The following KLHL15 variants were observed in gnomAD, a reference collection of about 807,000 sequenced individuals.
KLHL15 encodes the protein kelch like family member 15, also known as kelch-like protein 15.
A neutral mutation model predicts 29.3 loss-of-function variants in KLHL15; 1 was observed. The ratio of observed to expected loss-of-function variants is 0.03; its 90% CI spans 0.01 to 0.16. The LOEUF (loss-of-function observed/expected upper bound fraction) is 0.16. Among genes scored for constraint, KLHL15 ranks in the 10% least tolerant of loss-of-function variants. KLHL15 has a pLI of 1.00. For missense variants in KLHL15, 215 were observed against 478.5 expected (o/e 0.45, Z 5.14); for synonymous variants, 212 against 184.5 (o/e 1.15, Z -1.21).
rs1168427298 is a variant in KLHL15 at position 23,985,046 on chromosome X, T to C, written c.*2875A>G. The C allele has an allele frequency of 8.9e-6, 1 of 112,400 alleles. No homozygotes were observed. Among genetic ancestry groups the C allele is most frequent in the Non-Finnish European group, 1.9e-5 (1 of 53,246 alleles). The allele number at this position is 112,400 out of a possible 1,213,427, so 9.3% of individuals were successfully genotyped here. On this transcript the variant is annotated 3_prime_UTR_variant, in exon 4 of 4. Coordinates refer to ENST00000328046, the MANE Select transcript of KLHL15 (RefSeq NM_030624.3). ...AAACCTTCAAAGTGAGAATCTTGCA[T>C]TTTAAGAAAAGGCTGTAGTGCAAGG...
chrX:24,013,854 GTAA>G (rs1453534378), intron 2 of KLHL15, among the ~76,000 whole-genome samples: 12 of 110,130 alleles, frequency 1.1e-4, no homozygotes, highest in Middle Eastern at 4.3e-3. Context: ...AAAAAAAGTA[GTAA>G]TAATAGAAAA....
Position 23,994,396 on chromosome X carries a change from T to C in KLHL15, c.706-5366A>G, listed in dbSNP as rs73486005. Among the ~76,000 whole-genome samples, 439 of 112,490 alleles carry C rather than the reference T, an allele frequency of 3.9e-3. 2 individuals carry two copies. Among genetic ancestry groups the C allele is most frequent in the African/African-American group, 0.013 (409 of 31,005 alleles). On this transcript the variant is annotated intron_variant, in intron 3 of 3. Transcript: ENST00000328046. ...GTAAGAGCACAAAACCTGGGATAACTCCAATCACCTATCAATAAGACATTG... is the reference window on the plus strand; with the variant it reads ...GTAAGAGCACAAAACCTGGGATAACCCCAATCACCTATCAATAAGACATTG...
chrX:23,994,046 CAAAA>C (rs35880434), intron 3 of KLHL15, among the ~76,000 whole-genome samples: 1 of 57,803 alleles, frequency 1.7e-5, no homozygotes, highest in Admixed American at 2.2e-4. Context: ...GACCTTGTCT[CAAAA>C]AAAAAAAAAA....
intron 3 of KLHL15, among the ~76,000 whole-genome samples, chrX:23,996,874 C>A (rs1602001013): frequency 1.8e-5 from 2 of 112,112 alleles, no homozygotes; most frequent in South Asian, 7.3e-4. Flanking sequence ...GTGCAATATG[C>A]CTTTAATCAA....
chrX:23,987,802 A>T lies in KLHL15; in HGVS notation c.*119T>A, dbSNP rs1929012207. 3 of 677,211 alleles carry T rather than the reference A, an allele frequency of 4.4e-6. No individual in the cohort carries two copies. The highest frequency in any genetic ancestry group is 4.4e-6 in the Non-Finnish European group (2 of 459,072). The allele number at this position is 677,211 out of a possible 1,213,427, so 55.8% of individuals were successfully genotyped here. A position where few individuals can be genotyped will look rare whatever the true frequency, so the allele number is the denominator to read the frequency against. On this transcript the variant is annotated 3_prime_UTR_variant, in exon 4 of 4. Coordinates refer to ENST00000328046, the MANE Select transcript of KLHL15 (RefSeq NM_030624.3). Reference sequence around the variant, plus strand: ...CTAGCACAGAATGAAAAATTCTTACAATGTTAGACCAATGGCTTTGATAGT... The same window carrying T: ...CTAGCACAGAATGAAAAATTCTTACTATGTTAGACCAATGGCTTTGATAGT...
intron 1 of KLHL15, among the ~76,000 whole-genome samples, chrX:24,025,285 C>A (rs1274019296): frequency 9.2e-6 from 1 of 108,879 alleles, no homozygotes; most frequent in Non-Finnish European, 1.9e-5. Flanking sequence ...CGTCTCTGGG[C>A]TTCTGCCCCG....
At chrX:23,989,444 G>C (rs1349467138) in intron 3 of KLHL15, among the ~76,000 whole-genome samples, 1 of 111,325 alleles carries the variant, frequency 9.0e-6, no homozygotes, top group South Asian at 3.8e-4. Context: ...CAAAGTGCTG[G>C]GATTACAGGC....
At chrX:24,020,523 A>C (rs1929782081) in intron 2 of KLHL15, among the ~76,000 whole-genome samples, 1 of 111,769 alleles carries the variant, frequency 8.9e-6, no homozygotes, top group African/African-American at 3.3e-5. Flanking sequence ...CAGCCTCCAG[A>C]CTGGCACCAA....
chrX:24,012,274 A>G (rs950432883), intron 2 of KLHL15, among the ~76,000 whole-genome samples: 4 of 112,666 alleles, frequency 3.6e-5, no homozygotes, highest in African/African-American at 1.3e-4. Context: ...CTTTTAAAAA[A>G]GTTTATAAAA....
intron 2 of KLHL15, among the ~76,000 whole-genome samples, chrX:24,023,802 A>C (rs1398001241): frequency 8.9e-6 from 1 of 112,465 alleles, no homozygotes; most frequent in African/African-American, 3.2e-5. Context: ...AATTACATTA[A>C]GTGCTAAAAA....
At chrX:24,023,783 A>G (rs1219168390) in intron 2 of KLHL15, among the ~76,000 whole-genome samples, 1 of 112,484 alleles carries the variant, frequency 8.9e-6, no homozygotes. Context: ...AATGAGAATA[A>G]AATTATATAA....
At chrX:24,009,259 G>C (rs1426997338) in intron 2 of KLHL15, among the ~76,000 whole-genome samples, 1 of 111,175 alleles carries the variant, frequency 9.0e-6, no homozygotes, top group African/African-American at 3.3e-5. Context: ...CACTTTGGGA[G>C]GCCGAGATGG....
At chrX:24,009,923 G>A (rs1929539647) in intron 2 of KLHL15, among the ~76,000 whole-genome samples, 1 of 102,803 alleles carries the variant, frequency 9.7e-6, no homozygotes. Context: ...CTGGGAGACG[G>A]AGGCTGCAGT....
chrX:23,996,753 A>AT (rs1929198728), intron 3 of KLHL15, among the ~76,000 whole-genome samples: 1 of 112,255 alleles, frequency 8.9e-6, no homozygotes, highest in African/African-American at 3.2e-5. Flanking sequence ...TTTAGATGCT[A>AT]TATTGCAAAA....
intron 2 of KLHL15, among the ~76,000 whole-genome samples, chrX:24,009,423 G>A (rs1929526532): frequency 9.0e-6 from 1 of 110,838 alleles, no homozygotes; most frequent in African/African-American, 3.3e-5. Flanking sequence ...ACTTGAACCC[G>A]GGAGGCGGAG....
At chrX:23,993,400 G>A (rs1019935280) in intron 3 of KLHL15, among the ~76,000 whole-genome samples, 10 of 111,167 alleles carry the variant, frequency 9.0e-5, no homozygotes, top group African/African-American at 3.3e-4. Context: ...GAACTCACAG[G>A]GTAATGCCAA....
chrX:24,008,880 A>AAAC (rs1555977253), intron 2 of KLHL15, among the ~76,000 whole-genome samples: 2 of 106,492 alleles, frequency 1.9e-5, no homozygotes, highest in African/African-American at 3.4e-5. Context: ...AGAAAAAAAA[A>AAAC]AAACAAAACA....
intron 2 of KLHL15, among the ~76,000 whole-genome samples, chrX:24,022,639 T>TA (rs34810589): frequency 0.38 from 34,443 of 90,566 alleles, 6,381 homozygotes; most frequent in South Asian, 0.72. Context: ...ACTCTTGTCT[T>TA]AAAAAAAAAA....
At chrX:24,009,143 G>A (rs1165675252) in intron 2 of KLHL15, among the ~76,000 whole-genome samples, 2 of 111,199 alleles carry the variant, frequency 1.8e-5, no homozygotes, top group Non-Finnish European at 3.8e-5. Context: ...CGGATCACTT[G>A]AGATCAGGAG....
Sources: gnomAD v4.1 joint callset for allele counts (sites outside exome capture counted in the v4.1 genomes callset) on GRCh38, gnomAD v4.1.1 for gene constraint, MANE v1.5 for transcripts, NCBI Gene and HGNC (gene_info 2026-07-23, HGNC 2026-07-21) for gene names.